Variants in MUC6 observed in about 807,000 individuals in gnomAD.
MUC6 encodes the protein mucin-6.
A neutral mutation model predicts 201.5 loss-of-function variants in MUC6; 188 were observed. The ratio of observed to expected loss-of-function variants is 0.93; its 90% CI spans 0.83 to 1.05. The LOEUF is 1.05. Ranked by LOEUF, MUC6 falls within the 50% of genes least tolerant of loss-of-function variation. MUC6 has a pLI of 0.00. For missense variants in MUC6, 2,706 were observed against 3,256.9 expected (o/e 0.83, Z 4.12); for synonymous variants, 1,228 against 1,389.4 (o/e 0.88, Z 2.58).
intron 8 of MUC6, 120 bp downstream of exon 8, chr11:1,030,093 G>T: frequency 8.0e-7 from 1 of 1,245,244 alleles, no homozygotes; most frequent in Non-Finnish European, 1.1e-6. Context: ...GCCAGAGCTG[G>T]GACTCAGGCA....
chr11:1,031,045 C>T lies in MUC6; in HGVS notation c.586G>A (p.Glu196Lys), dbSNP rs932856011. Residue 196 changes from glutamate (E) to lysine (K), a missense_variant, in exon 6 of 33, where the codon GAA becomes AAA. This residue lies in a region of MUC6 where 1,850 missense variants were observed against 1,958.3 expected (regional missense o/e 0.94). Coordinates refer to ENST00000421673, the MANE Select transcript of MUC6 (RefSeq NM_005961.3). Reference sequence around the variant, plus strand: ...TGGAGGGCAGCAAACTTGTGGGGTTCCAGGAACTTGCCTGGGGTGCAGAAT... The same window carrying T: ...TGGAGGGCAGCAAACTTGTGGGGTTTCAGGAACTTGCCTGGGGTGCAGAAT... The part of the protein sequence containing the change: ...EFVSEEGKFL[E>K]PHKFAALQKL... 8 of 1,566,378 alleles carry T rather than the reference C, an allele frequency of 5.1e-6. No homozygotes were observed. In the African/African-American group the frequency reaches 8.6e-5, roughly 17 times the overall value.
In MUC6 at chr11:1,016,531, G is replaced by A; in HGVS notation, c.6270C>T (p.Ser2090=). The A allele has an allele frequency of 6.4e-7, 1 of 1,563,534 alleles. No individual in the cohort carries two copies. The highest frequency in any genetic ancestry group is 8.6e-7 in the Non-Finnish European group (1 of 1,161,984). The change falls in exon 31 of 33, where the codon TCC becomes TCT. Residue 2090 remains serine, a synonymous_variant. Coordinates refer to ENST00000421673, the MANE Select transcript of MUC6 (RefSeq NM_005961.3). ...TATASSSFIS[S]SSWLPQNSSS... ...TAGAGTTCTGAGGCAGCCAAGACGA[G>A]GAGGATATGAAGGAAGAAGAGGCTG...
chr11:1,036,527 G>T (rs1400169224), intron 1 of MUC6, 77 bp downstream of exon 1: 7 of 1,489,340 alleles, frequency 4.7e-6, no homozygotes, highest in Non-Finnish European at 6.4e-6. Flanking sequence ...TTGTCGAGGC[G>T]AGAAGGCCCA....
chr11:1,024,086 G>A lies in MUC6; in HGVS notation c.3243C>T (p.Tyr1081=), dbSNP rs768231016. The change falls in exon 25 of 33, where the codon TAC becomes TAT. Residue 1081 remains tyrosine, a synonymous_variant. Coordinates refer to ENST00000421673, the MANE Select transcript of MUC6 (RefSeq NM_005961.3). ...TCHSKVYHLP[Y]YEACVRDACG... ...ATGCGTCGCGCACGCAGGCCTCGTAGTAGGGCAGGTGGTATACCTGCAGGG... is the reference window on the plus strand; with the variant it reads ...ATGCGTCGCGCACGCAGGCCTCGTAATAGGGCAGGTGGTATACCTGCAGGG... The A allele has an allele frequency of 6.2e-7, 1 of 1,612,794 alleles. No homozygotes were observed. The highest frequency in any genetic ancestry group is 2.2e-5 in the East Asian group (1 of 44,888).
rs765132938 is a variant in MUC6 at position 1,033,193 on chromosome 11, T to C, written c.53-118A>G. The C allele has an allele frequency of 2.7e-5, 28 of 1,027,702 alleles. No homozygotes were observed. In the East Asian group the frequency reaches 6.6e-4, roughly 24 times the overall value. 63.7% of individuals were successfully genotyped at this position (1,027,702 alleles called of 1,614,324 possible). ...CTGCACACACTCGGCGTGCGAGAAG[T>C]GTCCATGGCCCGTGGGGCTCGAGGC... On this transcript the variant is annotated intron_variant, in intron 1 of 32. Coordinates refer to ENST00000421673, the MANE Select transcript of MUC6 (RefSeq NM_005961.3). The surrounding 1 kb of genome is among the most constrained non-coding windows in gnomAD (Gnocchi z 5.6).
Position 1,036,607 on chromosome 11 carries a change from CGCTGAGCAGG to C in MUC6, c.39_48del (p.Leu15ValfsTer15). The stretch of plus-strand genomic sequence containing the variant: ...GGCGCCCCTCGACCTCACTCACCAG[CGCTGAGCAGG>C]GCTCCGCAGCAGGACAGCAGCAGCC... On this transcript the variant is annotated frameshift_variant, in exon 1 of 33. Transcript: ENST00000421673. LOFTEE classifies it high-confidence loss of function. The C allele has an allele frequency of 6.5e-7, 1 of 1,548,904 alleles. No homozygotes were observed. Among genetic ancestry groups the C allele is most frequent in the Non-Finnish European group, 8.7e-7 (1 of 1,146,458 alleles).
chr11:1,023,244 GTGAA>G (rs1338367796), intron 26 of MUC6, among the ~76,000 whole-genome samples: 11 of 151,768 alleles, frequency 7.2e-5, no homozygotes, highest in East Asian at 1.9e-4. Flanking sequence ...GAATGAATGT[GTGAA>G]TGAATGTGCA....
Position 1,031,248 on chromosome 11 carries a change from C to G in MUC6, c.495G>C (p.Glu165Asp). 6.4e-7 allele frequency: 1 copy of G among 1,574,260 alleles called. No homozygotes were observed. Among genetic ancestry groups the G allele is most frequent in the Non-Finnish European group, 8.6e-7 (1 of 1,160,508 alleles). Residue 165 changes from glutamate (E) to aspartate (D), a missense_variant, in exon 5 of 33, where the codon GAG becomes GAC. Physicochemically the swap from Glu to Asp is conservative, Grantham distance 45. Coordinates refer to ENST00000421673, the MANE Select transcript of MUC6 (RefSeq NM_005961.3). The stretch of plus-strand genomic sequence containing the variant: ...CGCACATCTGACCCATGTACTTCCG[C>G]TCCACCAGAACCTGCGGGAGACGGC... ...GPDSHLMVLV[E>D]RKYMGQMCGL...
chr11:1,020,858 G>A, intron 27 of MUC6, 124 bp from the exon 28 acceptor site: 1 of 1,263,758 alleles, frequency 7.9e-7, no homozygotes. Flanking sequence ...GGACTGGAGG[G>A]GCTGGGAGCC....
At chr11:1,032,981 G>T in intron 2 of MUC6, 32 bp downstream of exon 2, 1 of 1,559,340 alleles carries the variant, frequency 6.4e-7, no homozygotes. Context: ...GGGTGGTCTG[G>T]GCGGCAGGAT....
chr11:1,015,571 A>G (rs1274769440), intron 31 of MUC6, among the ~76,000 whole-genome samples, 191 bp downstream of exon 31: 2 of 152,182 alleles, frequency 1.3e-5, no homozygotes, highest in Admixed American at 6.5e-5. Flanking sequence ...TTGCTTGGCC[A>G]GGACAGCGTT....
Position 1,033,681 on chromosome 11 carries a change from G to A in MUC6, c.53-606C>T, listed in dbSNP as rs1488640633. ...CACGGTGACTCCAGGGCAGGGCAGC[G>A]GGGGACGTCCCACCCTGACTCCCAG... On this transcript the variant is annotated intron_variant, in intron 1 of 32. Transcript: ENST00000421673. The surrounding 1 kb of genome is among the most constrained non-coding windows in gnomAD (Gnocchi z 5.6). 2.0e-5 allele frequency among the ~76,000 whole-genome samples: 3 copies of A among 152,022 alleles called. No individual in the cohort carries two copies. Among genetic ancestry groups the A allele is most frequent in the South Asian group, 2.1e-4 (1 of 4,820 alleles).
At position 1,016,368 on chromosome 11, in the gene MUC6, C is replaced by T. The variant is rs1303159204; in HGVS notation, c.6433G>A (p.Val2145Met). Reference sequence around the variant, plus strand: ...TGGGGAGAGGAGTGGGAGGAGGGCACATAAGAAGAAACAGTAGAGGGGGCA... The same window carrying T: ...TGGGGAGAGGAGTGGGAGGAGGGCATATAAGAAGAAACAGTAGAGGGGGCA... ...PSAPSTVSSY[V>M]PSSHSSPQTS... The change falls in exon 31 of 33, where the codon GTG (valine) becomes ATG (methionine). Residue 2145 changes from valine to methionine, a missense_variant. Coordinates refer to ENST00000421673, the MANE Select transcript of MUC6 (RefSeq NM_005961.3). The T allele has an allele frequency of 2.5e-6, 4 of 1,611,838 alleles. No homozygotes were observed. Among genetic ancestry groups the T allele is most frequent in the Non-Finnish European group, 3.4e-6 (4 of 1,179,010 alleles).
Position 1,028,026 on chromosome 11 carries a change from A to G in MUC6, c.1787T>C (p.Leu596Pro). ...CCTCTCGAACACCGTGCCTGTCCTC[A>G]GCAGCATGGAGCAGTGGGTCTCTGC... ...VCAETHCSML[L>P]RTGTVFERCH... The change falls in exon 15 of 33, where the codon CTG becomes CCG. Residue 596 changes from leucine (L) to proline (P), a missense_variant. Leu to Pro is a moderately conservative substitution (Grantham distance 98). Coordinates refer to ENST00000421673, the MANE Select transcript of MUC6 (RefSeq NM_005961.3). The G allele has an allele frequency of 6.3e-7, 1 of 1,582,084 alleles. No individual in the cohort carries two copies. The highest frequency in any genetic ancestry group is 8.6e-7 in the Non-Finnish European group (1 of 1,164,470).
At position 1,030,664 on chromosome 11, in the gene MUC6, C is replaced by G. The variant is rs1857079889; in HGVS notation, c.801G>C (p.Gln267His). ...DVAAAPQPGP[Q>H]NSSCATLSEY... is the part of the protein sequence containing the mutation. Reference sequence around the variant, plus strand: ...CCGACAGGGTGGCACAACTGCTGTTCTGTGGGCCTGGCTGGGGGGCTGCGG... The same window carrying G: ...CCGACAGGGTGGCACAACTGCTGTTGTGTGGGCCTGGCTGGGGGGCTGCGG... The change falls in exon 7 of 33, where the codon CAG (glutamine) becomes CAC (histidine). Residue 267 changes from glutamine (Q) to histidine (H), a missense_variant. Physicochemically the swap from Gln to His is conservative, Grantham distance 24. Coordinates refer to ENST00000421673, the MANE Select transcript of MUC6 (RefSeq NM_005961.3). 1 of 1,550,184 alleles carries G rather than the reference C, an allele frequency of 6.5e-7. No homozygotes were observed. Among genetic ancestry groups the G allele is most frequent in the Non-Finnish European group, 8.7e-7 (1 of 1,149,216 alleles).
rs546235086 is a variant in MUC6, at chr11:1,032,999, C to T, written c.115+14G>A. Reference sequence around the variant, plus strand: ...TGGTCTGGGCGGCAGGATCAGTGGCCGCTGTGTTCTTACCTGTCTGTGGAG... The same window carrying T: ...TGGTCTGGGCGGCAGGATCAGTGGCTGCTGTGTTCTTACCTGTCTGTGGAG... On this transcript the variant is annotated intron_variant, in intron 2 of 32. Transcript: ENST00000421673. 1.1e-4 allele frequency: 170 copies of T among 1,573,844 alleles called. No individual in the cohort carries two copies. The highest frequency in any genetic ancestry group is 6.9e-4 in the South Asian group (61 of 88,152).
chr11:1,026,901 G>T, intron 19 of MUC6, 40 bp downstream of exon 19: 1 of 1,500,172 alleles, frequency 6.7e-7, no homozygotes, highest in Non-Finnish European at 9.0e-7. Context: ...GGTTCAGCTG[G>T]GGCCCGGGCA....
rs561029839 is a variant in MUC6, at chr11:1,030,209, T to A, written c.1015+4A>T. On this transcript the variant is annotated splice_donor_region_variant and intron_variant, in intron 8 of 32. Transcript: ENST00000421673. ...GGAGAGAGAGTGCCTGCGACTGCCC[T>A]CACCTTCCGGGCAGAAGCACCCGAA... 8.4e-6 allele frequency: 13 copies of A among 1,549,618 alleles called. No homozygotes were observed. Among genetic ancestry groups the A allele is most frequent in the Non-Finnish European group, 1.1e-5 (13 of 1,148,452 alleles).
rs892307567 is a variant in MUC6 at position 1,033,566 on chromosome 11, C to T, written c.53-491G>A. 3.9e-5 allele frequency among the ~76,000 whole-genome samples: 6 copies of T among 152,064 alleles called. No homozygotes were observed. Among genetic ancestry groups the T allele is most frequent in the Admixed American group, 2.6e-4 (4 of 15,284 alleles). On this transcript the variant is annotated intron_variant, in intron 1 of 32. Coordinates refer to ENST00000421673, the MANE Select transcript of MUC6 (RefSeq NM_005961.3). This position sits in a 1 kb window ranked among gnomAD's most constrained non-coding sequence, Gnocchi z 5.6. ...GTGGCTCCGGGGCTCTAAACATGGC[C>T]GCTTTCCTGCACGTCAGCCTTGAGA... is the stretch of plus-strand genomic sequence containing the variant.
Sources: allele counts gnomAD v4.1 joint callset (sites outside exome capture counted in the v4.1 genomes callset), GRCh38; gene constraint gnomAD v4.1.1; regional missense constraint gnomAD v4.1.1; non-coding constraint Gnocchi (gnomAD v3.1); transcripts MANE v1.5; gene names NCBI Gene and HGNC (gene_info 2026-07-23, HGNC 2026-07-21).